The following SLC2A8 variants were observed in gnomAD, a reference collection of about 807,000 sequenced individuals.
SLC2A8 encodes solute carrier family 2, facilitated glucose transporter member 8.
In SLC2A8, 53 loss-of-function variants were observed where a neutral mutation model predicts 49.2. That is an observed-to-expected ratio of 1.08 (90% CI 0.86 to 1.35). The LOEUF is 1.35. Ranked by LOEUF, SLC2A8 falls within the 40% of genes most tolerant of loss-of-function variation. The probability of loss-of-function intolerance (pLI) is 0.00; values close to 1 mark genes in which losing one functional copy is unlikely to be tolerated. For synonymous variants in SLC2A8, 299 were observed against 297.0 expected, an observed-to-expected ratio of 1.01 and a Z score of -0.07; for missense variants, 688 against 671.7, an observed-to-expected ratio of 1.02 and a Z score of -0.27.
At chr9:127,404,199 C>A in intron 7 of SLC2A8, 132 bp downstream of exon 7, 1 of 650,278 alleles carries the variant, frequency 1.5e-6, no homozygotes, top group Non-Finnish European at 2.6e-6. Context: ...CATGATTTGA[C>A]AGCAGCTTGT....
In SLC2A8 at chr9:127,402,535, C is replaced by T. The variant is rs1027887027; in HGVS notation, c.527-22C>T. 4.0e-6 allele frequency: 6 copies of T among 1,500,518 alleles called. No individual in the cohort carries two copies. The African/African-American group carries it at 6.9e-5, about 17-fold the overall frequency. 93.0% of individuals were successfully genotyped at this position (1,500,518 alleles called of 1,614,324 possible). On this transcript the variant is annotated intron_variant, in intron 4 of 9. Coordinates refer to ENST00000373371, the MANE Select transcript of SLC2A8 (RefSeq NM_014580.5). ...GGCTCACCCTGGCTCTGACGCCAGC[C>T]TCCTCCACCCACCCCCCGCAGGCTG...
chr9:127,404,530 G>A (rs1402528535), intron 7 of SLC2A8: 4 of 416,100 alleles, frequency 9.6e-6, no homozygotes, highest in Non-Finnish European at 1.7e-5. Flanking sequence ...CCCAGCAGCT[G>A]CTGCGAAGAC....
chr9:127,402,839 G>A, intron 5 of SLC2A8, 86 bp downstream of exon 5: 1 of 1,413,734 alleles, frequency 7.1e-7, no homozygotes, highest in South Asian at 1.5e-5. Flanking sequence ...CACACACTTG[G>A]GGGGTGGGGG....
chr9:127,402,610 C>T lies in SLC2A8; in HGVS notation c.580C>T (p.Leu194Phe), dbSNP rs999579784. Residue 194 changes from leucine to phenylalanine, a missense_variant, in exon 5 of 10, where the codon CTC becomes TTC. Physicochemically the swap from Leu to Phe is conservative, Grantham distance 22. Transcript: ENST00000373371. ...TGTGCTGGGCTGCGTGCCCCCCTCC[C>T]TCATGCTGCTTCTCATGTGCTTCAT... ...LAVLGCVPPS[L>F]MLLLMCFMPE... The T allele has an allele frequency of 6.3e-7, 1 of 1,596,416 alleles. No individual in the cohort carries two copies. Among genetic ancestry groups the T allele is most frequent in the Non-Finnish European group, 8.5e-7 (1 of 1,174,234 alleles).
At position 127,399,826 on chromosome 9, in the gene SLC2A8, C is replaced by T; in HGVS notation, c.427-81C>T. On this transcript the variant is annotated intron_variant, in intron 3 of 9. Coordinates refer to ENST00000373371, the MANE Select transcript of SLC2A8 (RefSeq NM_014580.5). The surrounding 1 kb of genome is among the most constrained non-coding windows in gnomAD (Gnocchi z 4.2). Reference sequence around the variant, plus strand: ...AAACTCCCAACCTCTGGTGATCTGCCCGCCTCGGCCTCCCAGAGTGCTGGG... The same window carrying T: ...AAACTCCCAACCTCTGGTGATCTGCTCGCCTCGGCCTCCCAGAGTGCTGGG... 8.3e-7 allele frequency: 1 copy of T among 1,206,118 alleles called. No individual in the cohort carries two copies. Among genetic ancestry groups the T allele is most frequent in the Non-Finnish European group, 1.2e-6 (1 of 824,812 alleles). 74.7% of individuals were successfully genotyped at this position (1,206,118 alleles called of 1,614,324 possible).
chr9:127,400,183 T>TTTTTTTTTTTTTTTTTG (rs1833226571), intron 4 of SLC2A8, among the ~76,000 whole-genome samples, 177 bp downstream of exon 4: 2 of 149,210 alleles, frequency 1.3e-5, no homozygotes. Flanking sequence ...TTTTTTTTTT[T>TTTTTTTTTTTTTTTTTG]GAGACAGAGT....
At chr9:127,405,794 C>CG (rs1326673166) in intron 9 of SLC2A8, among the ~76,000 whole-genome samples, 1 of 152,248 alleles carries the variant, frequency 6.6e-6, no homozygotes, top group Non-Finnish European at 1.5e-5. Context: ...TCTTGGCAGT[C>CG]AGACAGCACA....
chr9:127,405,300 C>T (rs1174346405), intron 8 of SLC2A8, 120 bp from the exon 9 acceptor site: 2 of 1,190,632 alleles, frequency 1.7e-6, no homozygotes, highest in Non-Finnish European at 2.3e-6. Flanking sequence ...TGGGACCACA[C>T]TGGGATCCGG....
Position 127,403,805 on chromosome 9 carries a change from TA to T in SLC2A8, c.867+6del. On this transcript the variant is annotated splice_donor_region_variant and intron_variant, in intron 6 of 9. Transcript: ENST00000373371. ...ATCTTTGAAGAGGCCAAGTTCAAGG[TA>T]AAAGGGCCCTGCCTGGCCTGCCTCG... 1.9e-6 allele frequency: 3 copies of T among 1,611,862 alleles called. No homozygotes were observed. Among genetic ancestry groups the T allele is most frequent in the Non-Finnish European group, 2.5e-6 (3 of 1,179,260 alleles).
In SLC2A8 at chr9:127,404,811, C is replaced by T. The variant is rs1833428070; in HGVS notation, c.977-7C>T. 3 of 1,605,058 alleles carry T rather than the reference C, an allele frequency of 1.9e-6. No individual in the cohort carries two copies. The highest frequency in any genetic ancestry group is 1.3e-5 in the African/African-American group (1 of 74,790). On this transcript the variant is annotated splice_polypyrimidine_tract_variant and splice_region_variant and intron_variant, in intron 7 of 9. Coordinates refer to ENST00000373371, the MANE Select transcript of SLC2A8 (RefSeq NM_014580.5). ...TGCCCCGCCCACTGCCGCCCTCCCG[C>T]CTGCAGGTGTGGTCATGGTGTTCAG... is the stretch of plus-strand genomic sequence containing the variant.
intron 4 of SLC2A8, among the ~76,000 whole-genome samples, chr9:127,401,307 A>C (rs1256132957): frequency 2.0e-5 from 3 of 152,234 alleles, no homozygotes; most frequent in African/African-American, 7.2e-5. Flanking sequence ...GTTCCAAATG[A>C]GAATTGTCAA....
rs560950675 is a variant in SLC2A8 at position 127,404,783 on chromosome 9, G to A, written c.977-35G>A. The A allele has an allele frequency of 4.2e-5, 67 of 1,594,490 alleles. No individual in the cohort carries two copies. In the East Asian group the frequency reaches 7.9e-4, roughly 19 times the overall value. On this transcript the variant is annotated intron_variant, in intron 7 of 9. Coordinates refer to ENST00000373371, the MANE Select transcript of SLC2A8 (RefSeq NM_014580.5). ...GCTGCTGCGCCCTGGGCCGTTCCCCGGGTGCCCCGCCCACTGCCGCCCTCC... is the reference window on the plus strand; with the variant it reads ...GCTGCTGCGCCCTGGGCCGTTCCCCAGGTGCCCCGCCCACTGCCGCCCTCC...
Position 127,407,375 on chromosome 9 carries a change from C to G in SLC2A8, c.*126C>G. 8.3e-7 allele frequency: 1 copy of G among 1,204,102 alleles called. No homozygotes were observed. Among genetic ancestry groups the G allele is most frequent in the African/African-American group, 1.5e-5 (1 of 66,732 alleles). 74.6% of individuals were successfully genotyped at this position (1,204,102 alleles called of 1,614,324 possible). On this transcript the variant is annotated 3_prime_UTR_variant, in exon 10 of 10. Coordinates refer to ENST00000373371, the MANE Select transcript of SLC2A8 (RefSeq NM_014580.5). ...GCCTTGGTCTGCAGGGTCCCTCCTT[C>G]CTGTCATGCTCCCTCCAGCCCATGA...
intron 7 of SLC2A8, chr9:127,404,582 G>A (rs534928857): frequency 2.5e-5 from 13 of 527,442 alleles, no homozygotes; most frequent in South Asian, 5.6e-5. Flanking sequence ...CTTCTGTGCC[G>A]GTACCTCCCA....
intron 5 of SLC2A8, chr9:127,403,358 G>A (rs1833364452): frequency 2.2e-6 from 1 of 451,398 alleles, no homozygotes; most frequent in Admixed American, 3.5e-5. Context: ...CAGACCTGAG[G>A]CAGGTGCTGG....
In SLC2A8 at chr9:127,407,229, G is replaced by A. The variant is rs1461206142; in HGVS notation, c.1414G>A (p.Ala472Thr). The part of the protein sequence containing the change: ...TKGKTLEQIT[A>T]HFEGR ...AGGAAAGACTCTGGAACAAATCACA[G>A]CCCATTTTGAGGGGCGATGACAGCC... Residue 472 changes from alanine (A) to threonine (T), a missense_variant, in exon 10 of 10, where the codon GCC becomes ACC. Ala to Thr is a moderately conservative substitution (Grantham distance 58). Transcript: ENST00000373371. 3.1e-6 allele frequency: 5 copies of A among 1,613,142 alleles called. No homozygotes were observed. The highest frequency in any genetic ancestry group is 1.3e-5 in the African/African-American group (1 of 74,920).
intron 4 of SLC2A8, among the ~76,000 whole-genome samples, chr9:127,402,182 C>G (rs1564216259): frequency 6.6e-6 from 1 of 152,232 alleles, no homozygotes; most frequent in African/African-American, 2.4e-5. Context: ...TTCAGAGAGT[C>G]TGTTCATATG....
In SLC2A8 at chr9:127,399,888, C is replaced by G. The variant is rs368044751; in HGVS notation, c.427-19C>G. On this transcript the variant is annotated intron_variant, in intron 3 of 9. Transcript: ENST00000373371. The surrounding 1 kb of genome is among the most constrained non-coding windows in gnomAD (Gnocchi z 4.2). ...GAGCCACTGCGCCCAGCCATAAATC[C>G]TCATCTGATTGCTGGCAGGTCTACA... 18 of 1,607,982 alleles carry G rather than the reference C, an allele frequency of 1.1e-5. No homozygotes were observed. The highest frequency in any genetic ancestry group is 1.5e-5 in the Non-Finnish European group (18 of 1,175,278).
At position 127,404,991 on chromosome 9, in the gene SLC2A8, G is replaced by A. The variant is rs144052107; in HGVS notation, c.1150G>A (p.Gly384Ser). Residue 384 changes from glycine to serine, a missense_variant and splice_region_variant, in exon 8 of 10, where the codon GGC (glycine) becomes AGC (serine). Physicochemically the swap from Gly to Ser is moderately conservative, Grantham distance 56. Transcript: ENST00000373371. ...GGGCAGCATGTGCCTCTTCATCGCC[G>A]GTAAGGGGGCCTGTGGGAGGCTGGG... ...AVGSMCLFIA[G>S]FAVGWGPIPW... is the part of the protein sequence containing the mutation. The A allele has an allele frequency of 3.3e-4, 528 of 1,594,522 alleles. 1 individual carries two copies. Among genetic ancestry groups the A allele is most frequent in the African/African-American group, 1.9e-3 (140 of 74,766 alleles).
Sources: gnomAD v4.1 joint callset for allele counts (sites outside exome capture counted in the v4.1 genomes callset) on GRCh38, gnomAD v4.1.1 for gene constraint, Gnocchi (gnomAD v3.1) non-coding constraint, MANE v1.5 for transcripts, NCBI Gene and HGNC (gene_info 2026-07-23, HGNC 2026-07-21) for gene names.